The following HTR1F variants were observed in gnomAD, a reference collection of about 807,000 sequenced individuals.
HTR1F encodes 5-hydroxytryptamine receptor 1F.
In HTR1F, 17 loss-of-function variants were observed where a neutral mutation model predicts 24.0. That is an observed-to-expected ratio of 0.71 (90% CI 0.48 to 1.06). The LOEUF (loss-of-function observed/expected upper bound fraction) is 1.06. Ranked by LOEUF, HTR1F falls within the 50% of genes least tolerant of loss-of-function variation. HTR1F has a pLI of 0.00. For synonymous variants in HTR1F, 186 were observed against 156.8 expected, an observed-to-expected ratio of 1.19 and a Z score of -1.39; for missense variants, 391 against 427.8, an observed-to-expected ratio of 0.91 and a Z score of 0.76.
At chr3:87,920,822 A>G (rs1424977523) in intron 2 of HTR1F, among the ~76,000 whole-genome samples, 2 of 151,934 alleles carry the variant, frequency 1.3e-5, no homozygotes, top group African/African-American at 4.8e-5. Flanking sequence ...ACAAACCCAC[A>G]TGATGTGAGT....
intron 2 of HTR1F, among the ~76,000 whole-genome samples, chr3:87,967,683 T>C (rs1705197432): frequency 1.3e-5 from 2 of 152,274 alleles, no homozygotes; most frequent in South Asian, 4.1e-4. Context: ...CCCCTGCTCA[T>C]GCTTTCTCTC....
At chr3:87,968,400 A>C (rs1262141883) in intron 2 of HTR1F, among the ~76,000 whole-genome samples, 1 of 152,080 alleles carries the variant, frequency 6.6e-6, no homozygotes, top group Non-Finnish European at 1.5e-5. Flanking sequence ...TTTAGTAGAG[A>C]CAGGGTTTCA....
chr3:87,855,875 G>A lies in HTR1F; in HGVS notation c.-43+33751G>A, dbSNP rs113070565. 6.8e-3 allele frequency among the ~76,000 whole-genome samples: 1,032 copies of A among 152,026 alleles called. 19 individuals carry two copies. Among genetic ancestry groups the A allele is most frequent in the African/African-American group, 0.024 (986 of 41,498 alleles). ...TTAGTCACAAACCCTCTCAGTATTA[G>A]ATTAACTCTCGCAGTATCACAGTGC... On this transcript the variant is annotated intron_variant, in intron 2 of 2. Transcript: ENST00000319595.
intron 1 of HTR1F, among the ~76,000 whole-genome samples, 33 bp downstream of exon 1, chr3:87,792,875 T>A (rs1490060985): frequency 6.6e-6 from 1 of 151,582 alleles, no homozygotes; most frequent in Admixed American, 6.6e-5. Context: ...AGCCCGGGAG[T>A]GCGGGTCACG....
intron 2 of HTR1F, among the ~76,000 whole-genome samples, chr3:87,957,551 T>A (rs1704971683): frequency 6.6e-6 from 1 of 151,402 alleles, no homozygotes; most frequent in Non-Finnish European, 1.5e-5. Context: ...TTTAACTATT[T>A]GATAGAATTT....
At chr3:87,988,586 CTTG>C (rs1035920595) in intron 2 of HTR1F, among the ~76,000 whole-genome samples, 11 of 151,994 alleles carry the variant, frequency 7.2e-5, no homozygotes, top group Admixed American at 6.6e-4. Flanking sequence ...TGTTGTTGTT[CTTG>C]TTGTTGTTGT....
chr3:87,859,543 T>C (rs902167083), intron 2 of HTR1F, among the ~76,000 whole-genome samples: 12 of 152,212 alleles, frequency 7.9e-5, no homozygotes, highest in African/African-American at 2.9e-4. Flanking sequence ...GAACTTATAT[T>C]ACCTATGTGT....
At chr3:87,854,575 T>A (rs1368810091) in intron 2 of HTR1F, among the ~76,000 whole-genome samples, 1 of 152,080 alleles carries the variant, frequency 6.6e-6, no homozygotes, top group East Asian at 1.9e-4. Flanking sequence ...CTTAAAAATG[T>A]AATGCCAGTT....
intron 2 of HTR1F, among the ~76,000 whole-genome samples, chr3:87,852,719 G>T (rs1284467558): frequency 1.3e-5 from 2 of 151,612 alleles, no homozygotes; most frequent in Non-Finnish European, 2.9e-5. Flanking sequence ...TGGGCTATTT[G>T]CTAAATCAAA....
At chr3:87,908,158 C>A (rs1331287649) in intron 2 of HTR1F, among the ~76,000 whole-genome samples, 2 of 151,874 alleles carry the variant, frequency 1.3e-5, no homozygotes, top group Admixed American at 1.3e-4. Context: ...AGATTTTATT[C>A]AAGTTGATAT....
At chr3:87,986,495 G>A (rs1161772760) in intron 2 of HTR1F, among the ~76,000 whole-genome samples, 2 of 151,978 alleles carry the variant, frequency 1.3e-5, no homozygotes, top group African/African-American at 4.8e-5. Context: ...CTTGGCATTA[G>A]GTACCATTTT....
chr3:87,972,897 G>C (rs1705315441), intron 2 of HTR1F, among the ~76,000 whole-genome samples: 1 of 151,796 alleles, frequency 6.6e-6, no homozygotes, highest in Admixed American at 6.6e-5. Context: ...CTGGCCTGGA[G>C]CAGTGACTCA....
At chr3:87,947,174 T>C (rs1378431680) in intron 2 of HTR1F, among the ~76,000 whole-genome samples, 1 of 152,232 alleles carries the variant, frequency 6.6e-6, no homozygotes, top group African/African-American at 2.4e-5. Flanking sequence ...TTTAAAGTAA[T>C]ATTAATGCTA....
intron 1 of HTR1F, among the ~76,000 whole-genome samples, chr3:87,817,334 T>C (rs1704267500): frequency 6.6e-6 from 1 of 152,170 alleles, no homozygotes; most frequent in Admixed American, 6.5e-5. Flanking sequence ...TAAGTACATC[T>C]CTATATAGTG....
rs541579548 is a variant in HTR1F, at chr3:87,884,276, T to C, written c.-43+62152T>C. Among the ~76,000 whole-genome samples, 3 of 152,320 alleles carry C rather than the reference T, an allele frequency of 2.0e-5. No homozygotes were observed. The South Asian group carries it at 6.2e-4, about 32-fold the overall frequency. ...TAAGTGAAGGAGAAATAAAATCCTT[T>C]ACGGACAAGCAAATGCTGAGAAATT... On this transcript the variant is annotated intron_variant, in intron 2 of 2. Coordinates refer to ENST00000319595, the MANE Select transcript of HTR1F (RefSeq NM_001322209.2).
intron 2 of HTR1F, among the ~76,000 whole-genome samples, chr3:87,880,760 G>C (rs1313526070): frequency 6.6e-6 from 1 of 151,668 alleles, no homozygotes; most frequent in Admixed American, 6.6e-5. Flanking sequence ...AAGCAAAGTA[G>C]CAATAATAGG....
intron 2 of HTR1F, among the ~76,000 whole-genome samples, chr3:87,982,508 G>GA (rs766198225): frequency 4.1e-4 from 62 of 152,182 alleles, no homozygotes; most frequent in Middle Eastern, 3.4e-3. Context: ...AGCTCAAAAT[G>GA]AAAAGACTTT....
At chr3:87,795,940 C>T (rs1172939195) in intron 1 of HTR1F, among the ~76,000 whole-genome samples, 2 of 152,202 alleles carry the variant, frequency 1.3e-5, no homozygotes, top group Non-Finnish European at 2.9e-5. Context: ...TTATTTCCTT[C>T]TCTCAGAAGT....
intron 2 of HTR1F, 25 bp from the exon 3 acceptor site, chr3:87,990,682 CT>C: frequency 5.0e-6 from 6 of 1,203,294 alleles, no homozygotes; most frequent in Non-Finnish European, 7.1e-6. Context: ...CTTCTCTGAA[CT>C]GTTTTTTCTC....
Sources: allele counts gnomAD v4.1 joint callset (sites outside exome capture counted in the v4.1 genomes callset), GRCh38; gene constraint gnomAD v4.1.1; transcripts MANE v1.5; gene names NCBI Gene and HGNC (gene_info 2026-07-23, HGNC 2026-07-21).